NBAS: variants seen among roughly 807,000 people sequenced by gnomAD.
NBAS encodes NBAS subunit of NRZ tethering complex, also known as NAG/BC035112 fusion.
In NBAS, 219 loss-of-function variants were observed where a neutral mutation model predicts 302.5. That is an observed-to-expected ratio of 0.72 (90% CI 0.65 to 0.81). The LOEUF is 0.81. NBAS is among the 30% of genes least tolerant of loss of function. The pLI, the probability that NBAS is intolerant of heterozygous loss-of-function variation, is 0.00. For synonymous variants in NBAS, 1,118 were observed against 1,021.6 expected, an observed-to-expected ratio of 1.09 and a Z score of -1.80; for missense variants, 2,932 against 2,841.6, an observed-to-expected ratio of 1.03 and a Z score of -0.72.
chr2:14,914,827 TG>T, the NBAS span, among the ~76,000 whole-genome samples: 1 of 152,166 alleles, frequency 6.6e-6, no homozygotes. Context: ...GTGTTTATAT[TG>T]GGCACAGGGA....
the NBAS span, among the ~76,000 whole-genome samples, chr2:14,891,411 T>C: frequency 6.6e-6 from 1 of 152,200 alleles, no homozygotes; most frequent in African/African-American, 2.4e-5. Context: ...TCCCTACACA[T>C]ATAGGTACCT....
At chr2:15,353,291 A>G (rs978925716) in intron 34 of NBAS, among the ~76,000 whole-genome samples, 53 of 151,980 alleles carry the variant, frequency 3.5e-4, no homozygotes, top group Non-Finnish European at 3.4e-4. Context: ...TTTCCCCATT[A>G]TTTTCAATAA....
the NBAS span, among the ~76,000 whole-genome samples, chr2:15,033,964 A>G: frequency 6.9e-6 from 1 of 145,414 alleles, no homozygotes; most frequent in East Asian, 2.2e-4. Flanking sequence ...GAAAAGAAGA[A>G]GAGGAAGAAA....
chr2:15,446,709 A>G (rs890187838), intron 21 of NBAS, among the ~76,000 whole-genome samples: 2 of 152,194 alleles, frequency 1.3e-5, no homozygotes, highest in Non-Finnish European at 2.9e-5. Flanking sequence ...GGAGTTCATA[A>G]CACATGCTTG....
At chr2:14,796,575 T>A in the NBAS span, among the ~76,000 whole-genome samples, 1 of 152,164 alleles carries the variant, frequency 6.6e-6, no homozygotes, top group African/African-American at 2.4e-5. Flanking sequence ...ATATTTTTTA[T>A]ATTATTGTCA....
At chr2:14,885,380 G>A in the NBAS span, among the ~76,000 whole-genome samples, 4 of 152,144 alleles carry the variant, frequency 2.6e-5, no homozygotes, top group African/African-American at 7.2e-5. Context: ...GAGTAATAAG[G>A]TGGATAATAT....
chr2:14,921,298 A>G, the NBAS span, among the ~76,000 whole-genome samples: 1 of 152,136 alleles, frequency 6.6e-6, no homozygotes, highest in Non-Finnish European at 1.5e-5. Context: ...CCCCAAAACA[A>G]TTATAATAGT....
chr2:15,285,266 C>A (rs1669986947), intron 42 of NBAS, among the ~76,000 whole-genome samples: 1 of 152,134 alleles, frequency 6.6e-6, no homozygotes, highest in Non-Finnish European at 1.5e-5. Context: ...AATAGCATTT[C>A]TTGACCATTC....
chr2:14,833,075 G>A, the NBAS span, among the ~76,000 whole-genome samples: 86,135 of 152,026 alleles, frequency 0.57, 26,958 homozygotes, highest in African/African-American at 0.85. Context: ...TTGTTTTGAG[G>A]CTTCAAAGTC....
chr2:15,266,239 C>A (rs1201062596), intron 44 of NBAS, among the ~76,000 whole-genome samples: 1 of 152,198 alleles, frequency 6.6e-6, no homozygotes, highest in Non-Finnish European at 1.5e-5. Flanking sequence ...TTATAAATTA[C>A]CCAGTCTCAG....
intron 42 of NBAS, among the ~76,000 whole-genome samples, chr2:15,282,495 A>G (rs900277486): frequency 8.5e-5 from 13 of 152,182 alleles, no homozygotes; most frequent in African/African-American, 2.9e-4. Flanking sequence ...AAATAATCCT[A>G]CTAAAGAATA....
chr2:15,023,617 A>G, the NBAS span, among the ~76,000 whole-genome samples: 1,490 of 150,770 alleles, frequency 9.9e-3, 56 homozygotes, highest in African/African-American at 0.035. Context: ...AAATCTTGCC[A>G]ATCAATGGGT....
chr2:14,842,090 G>C, the NBAS span, among the ~76,000 whole-genome samples: 1 of 151,740 alleles, frequency 6.6e-6, no homozygotes, highest in South Asian at 2.1e-4. Context: ...ACAACTAATG[G>C]GTCAATGAAT....
intron 44 of NBAS, among the ~76,000 whole-genome samples, chr2:15,246,170 C>A (rs2147969526): frequency 6.6e-6 from 1 of 152,230 alleles, no homozygotes; most frequent in Non-Finnish European, 1.5e-5. Context: ...AATCTTATTT[C>A]AAAGAAAAAC....
the NBAS span, among the ~76,000 whole-genome samples, chr2:15,155,066 T>C: frequency 6.6e-6 from 1 of 152,178 alleles, no homozygotes; most frequent in Non-Finnish European, 1.5e-5. Context: ...ACTAGCTGAA[T>C]GCTAAGCTAG....
At chr2:15,490,187 ATT>A (rs1012629042) in intron 11 of NBAS, among the ~76,000 whole-genome samples, 6 of 152,186 alleles carry the variant, frequency 3.9e-5, no homozygotes, top group Non-Finnish European at 8.8e-5. Flanking sequence ...ACTAAATTAT[ATT>A]ATCAGCCTGG....
At chr2:15,170,641 G>C (rs1443451518) in intron 51 of NBAS, among the ~76,000 whole-genome samples, 1 of 152,118 alleles carries the variant, frequency 6.6e-6, no homozygotes, top group Non-Finnish European at 1.5e-5. Context: ...CCTGGGCCTG[G>C]CTCTTTGCAA....
the NBAS span, among the ~76,000 whole-genome samples, chr2:14,895,702 C>T: frequency 0.047 from 6,970 of 149,560 alleles, 168 homozygotes; most frequent in African/African-American, 0.055. Flanking sequence ...ATCGCGCCAC[C>T]GCACTCCAGC....
At chr2:15,473,985 C>T in intron 15 of NBAS, 82 bp downstream of exon 15, 1 of 1,558,066 alleles carries the variant, frequency 6.4e-7, no homozygotes, top group Non-Finnish European at 8.8e-7. Context: ...AAATTTTCTC[C>T]TTTATTAAAA....
Sources: gnomAD v4.1 joint callset for allele counts (sites outside exome capture counted in the v4.1 genomes callset) on GRCh38, gnomAD v4.1.1 for gene constraint, MANE v1.5 for transcripts, NCBI Gene and HGNC (gene_info 2026-07-23, HGNC 2026-07-21) for gene names.